HACE1: variants seen among roughly 807,000 people sequenced by gnomAD.
The protein encoded by HACE1 is E3 ubiquitin-protein ligase HACE1.
A neutral mutation model predicts 118.4 loss-of-function variants in HACE1; 73 were observed. That is an observed-to-expected ratio of 0.62 (90% CI 0.51 to 0.75). The LOEUF is 0.75. Among genes scored for constraint, HACE1 ranks in the 30% least tolerant of loss-of-function variants. The pLI, the probability that HACE1 is intolerant of heterozygous loss-of-function variation, is 0.00. For missense variants in HACE1, 749 were observed against 1,102.2 expected, an observed-to-expected ratio of 0.68 and a Z score of 4.54; for synonymous variants, 368 against 374.8, an observed-to-expected ratio of 0.98 and a Z score of 0.21.
At chr6:104,853,211 G>A (rs111454775) in intron 1 of HACE1, among the ~76,000 whole-genome samples, 2,473 of 152,248 alleles carry the variant, frequency 0.016, 35 homozygotes, top group Non-Finnish European at 0.029. Context: ...ACTCTTACTC[G>A]ATGCTGGTGC....
chr6:104,843,802 A>C (rs1775341455), intron 4 of HACE1, among the ~76,000 whole-genome samples: 1 of 151,884 alleles, frequency 6.6e-6, no homozygotes, highest in Non-Finnish European at 1.5e-5. Flanking sequence ...GAGGAGGGGG[A>C]TGTAGAGATT....
intron 22 of HACE1, among the ~76,000 whole-genome samples, chr6:104,735,053 T>C (rs1775663602): frequency 6.6e-6 from 1 of 151,982 alleles, no homozygotes; most frequent in African/African-American, 2.4e-5. Flanking sequence ...AACATATATA[T>C]AAAATCTTAG....
chr6:104,851,591 C>T (rs776313518), intron 2 of HACE1, among the ~76,000 whole-genome samples: 17 of 152,148 alleles, frequency 1.1e-4, no homozygotes, highest in Non-Finnish European at 1.5e-5. Flanking sequence ...TTTAGCTTTC[C>T]TTAGATTCTT....
At position 104,728,410 on chromosome 6, in the gene HACE1, T is replaced by G. The variant is rs1774870333; in HGVS notation, c.*1252A>C. ...AAATTTCATGTAATCTGTTAAGATA[T>G]ATTTTGTTAACATTTAGAAAAGACA... is the stretch of plus-strand genomic sequence containing the variant. On this transcript the variant is annotated 3_prime_UTR_variant, in exon 24 of 24. Transcript: ENST00000262903. 6.6e-6 allele frequency: 1 copy of G among 152,208 alleles called. No individual in the cohort carries two copies. The highest frequency in any genetic ancestry group is 6.5e-5 in the Admixed American group (1 of 15,282). The allele number at this position is 152,208 out of a possible 1,614,324, so 9.4% of individuals were successfully genotyped here. A position where few individuals can be genotyped will look rare whatever the true frequency, so the allele number is the denominator to read the frequency against.
intron 22 of HACE1, among the ~76,000 whole-genome samples, chr6:104,734,977 C>T (rs558330219): frequency 5.3e-5 from 8 of 151,682 alleles, no homozygotes; most frequent in South Asian, 4.2e-4. Context: ...AAATAAGGTC[C>T]GGATGGTTTA....
intron 22 of HACE1, among the ~76,000 whole-genome samples, chr6:104,738,193 G>A (rs1358205375): frequency 3.9e-5 from 6 of 152,148 alleles, no homozygotes; most frequent in African/African-American, 1.2e-4. Context: ...AAGACCATAA[G>A]TAGATAAAAC....
intron 22 of HACE1, among the ~76,000 whole-genome samples, chr6:104,739,215 C>A (rs922423484): frequency 6.6e-6 from 1 of 152,084 alleles, no homozygotes; most frequent in Admixed American, 6.5e-5. Flanking sequence ...CAAAATCATG[C>A]CAAAATGTAA....
At chr6:104,751,587 G>A (rs1442466720) in intron 19 of HACE1, among the ~76,000 whole-genome samples, 1 of 152,034 alleles carries the variant, frequency 6.6e-6, no homozygotes, top group Non-Finnish European at 1.5e-5. Context: ...CTATGACCGT[G>A]CCACCACACT....
At chr6:104,820,354 A>T (rs1772581620) in intron 6 of HACE1, among the ~76,000 whole-genome samples, 1 of 152,208 alleles carries the variant, frequency 6.6e-6, no homozygotes, top group Non-Finnish European at 1.5e-5. Flanking sequence ...ATCTAATTAA[A>T]CTAAAGAGTT....
intron 19 of HACE1, among the ~76,000 whole-genome samples, chr6:104,768,368 A>C (rs1010439575): frequency 2.0e-5 from 3 of 152,044 alleles, no homozygotes; most frequent in Non-Finnish European, 4.4e-5. Flanking sequence ...AGAATGTATA[A>C]GCAAAAAAAA....
chr6:104,768,640 A>G (rs1780271272), intron 19 of HACE1, among the ~76,000 whole-genome samples: 1 of 152,118 alleles, frequency 6.6e-6, no homozygotes, highest in Non-Finnish European at 1.5e-5. Flanking sequence ...GTTTATATAA[A>G]AAAAATGAAA....
chr6:104,780,385 C>G (rs1357457236), intron 14 of HACE1: 1 of 448,688 alleles, frequency 2.2e-6, no homozygotes, highest in African/African-American at 2.0e-5. Flanking sequence ...CAAAACAGGA[C>G]TGATTATAGA....
intron 11 of HACE1, among the ~76,000 whole-genome samples, chr6:104,789,621 C>T (rs778358730): frequency 2.5e-4 from 38 of 151,918 alleles, no homozygotes; most frequent in Non-Finnish European, 4.1e-4. Flanking sequence ...TTTAAATCAC[C>T]TATAGAGAGG....
intron 1 of HACE1, among the ~76,000 whole-genome samples, chr6:104,855,308 T>C (rs1208067881): frequency 6.6e-6 from 1 of 151,994 alleles, no homozygotes; most frequent in Non-Finnish European, 1.5e-5. Flanking sequence ...CCGGGTATGG[T>C]GGCAGGCACC....
intron 6 of HACE1, among the ~76,000 whole-genome samples, chr6:104,823,565 T>C (rs985190300): frequency 6.6e-6 from 1 of 151,772 alleles, no homozygotes; most frequent in African/African-American, 2.4e-5. Context: ...AAAAGAAACA[T>C]ATTTTTAAAG....
At chr6:104,744,475 AAACTT>A (rs778261621) in intron 21 of HACE1, 32 bp downstream of exon 21, 127 of 1,170,162 alleles carry the variant, frequency 1.1e-4, no homozygotes, top group Non-Finnish European at 1.6e-4. Context: ...TTAAACGGCA[AAACTT>A]AACTTCATTC....
chr6:104,780,325 A>C (rs1781598078), intron 14 of HACE1: 1 of 449,098 alleles, frequency 2.2e-6, no homozygotes, highest in Non-Finnish European at 4.4e-6. Flanking sequence ...CAAATGGTAC[A>C]TTTTTGTATG....
intron 11 of HACE1, 157 bp from the exon 12 acceptor site, chr6:104,785,476 G>A: frequency 3.3e-6 from 2 of 603,062 alleles, no homozygotes; most frequent in Non-Finnish European, 2.9e-6. Context: ...CTAAAGGTAA[G>A]TAATAAAATT....
intron 6 of HACE1, among the ~76,000 whole-genome samples, chr6:104,820,899 T>C (rs1021056130): frequency 1.3e-5 from 2 of 152,238 alleles, no homozygotes; most frequent in Non-Finnish European, 2.9e-5. Context: ...ATATGTTCAC[T>C]GCTGCACTAT....
Sources: allele counts gnomAD v4.1 joint callset (sites outside exome capture counted in the v4.1 genomes callset), GRCh38; gene constraint gnomAD v4.1.1; transcripts MANE v1.5; gene names NCBI Gene and HGNC (gene_info 2026-07-23, HGNC 2026-07-21).